PCDHGB6: variants seen among roughly 807,000 people sequenced by gnomAD.
The protein encoded by PCDHGB6 is protocadherin gamma-B6.
PCDHGB6 carries 51 observed loss-of-function variants against 59.1 expected under a neutral mutation model. That is an observed-to-expected ratio of 0.86 (90% confidence interval 0.69 to 1.09). The LOEUF (loss-of-function observed/expected upper bound fraction) is 1.09, where lower values mean the gene tolerates loss of function less well. Ranked by LOEUF, PCDHGB6 falls within the 50% of genes least tolerant of loss-of-function variation. PCDHGB6 has a pLI of 0.00. For synonymous variants in PCDHGB6, 466 were observed against 495.1 expected (o/e 0.94, Z 0.78); for missense variants, 1,148 against 1,205.1 (o/e 0.95, Z 0.70).
At chr5:141,467,627 G>A (rs2099147481) in intron 1 of PCDHGB6, among the ~76,000 whole-genome samples, 1 of 152,140 alleles carries the variant, frequency 6.6e-6, no homozygotes, top group South Asian at 2.1e-4. Context: ...ATTTGAGATA[G>A]CATCTTTATC....
chr5:141,427,434 A>G (rs2097026509), intron 1 of PCDHGB6: 1 of 473,650 alleles, frequency 2.1e-6, no homozygotes, highest in African/African-American at 2.0e-5. Context: ...TACATGCCTC[A>G]TAAACGAAAG....
intron 1 of PCDHGB6, among the ~76,000 whole-genome samples, chr5:141,467,743 C>T (rs1166073224): frequency 8.5e-5 from 13 of 152,052 alleles, no homozygotes; most frequent in Non-Finnish European, 1.8e-4. Flanking sequence ...CTCGCTGCAA[C>T]CTCCGCCTCA....
In PCDHGB6 at chr5:141,485,735, G is replaced by A; in HGVS notation, c.2419-9072G>A. 6.2e-7 allele frequency: 1 copy of A among 1,614,166 alleles called. No homozygotes were observed. The highest frequency in any genetic ancestry group is 8.5e-7 in the Non-Finnish European group (1 of 1,180,036). On this transcript the variant is annotated intron_variant, in intron 1 of 3. Coordinates refer to ENST00000520790, the MANE Select transcript of PCDHGB6 (RefSeq NM_018926.3). The surrounding 1 kb of genome is among the most constrained non-coding windows in gnomAD (Gnocchi z 5.7). Reference sequence around the variant, plus strand: ...ACTGGATGTGAAGAAGCGCAGCGACGGCAGCCTGGTCCCAGAGCTGCTCCT... The same window carrying A: ...ACTGGATGTGAAGAAGCGCAGCGACAGCAGCCTGGTCCCAGAGCTGCTCCT...
At chr5:141,426,896 C>A in intron 1 of PCDHGB6, 1 of 456,782 alleles carries the variant, frequency 2.2e-6, no homozygotes, top group Non-Finnish European at 4.4e-6. Context: ...AGCAACAGAG[C>A]TCTCATCTCC....
chr5:141,418,125 G>A (rs765373450), intron 1 of PCDHGB6: 2 of 1,614,086 alleles, frequency 1.2e-6, no homozygotes, highest in Middle Eastern at 1.7e-4. Flanking sequence ...GTGAAGGACC[G>A]AATAGACCGT....
chr5:141,478,199 C>T lies in PCDHGB6; in HGVS notation c.2419-16608C>T, dbSNP rs759439765. 3.7e-6 allele frequency: 6 copies of T among 1,614,056 alleles called. No homozygotes were observed. The Middle Eastern group carries it at 6.6e-4, about 178-fold the overall frequency. On this transcript the variant is annotated intron_variant, in intron 1 of 3. Coordinates refer to ENST00000520790, the MANE Select transcript of PCDHGB6 (RefSeq NM_018926.3). ...GAAAAAAAATCTCACCTTTTATCTA[C>T]TTCTTTCTCTAATCCTGGTTTCTGT...
intron 1 of PCDHGB6, among the ~76,000 whole-genome samples, chr5:141,442,726 C>A (rs1160438073): frequency 2.6e-5 from 4 of 152,060 alleles, no homozygotes; most frequent in Non-Finnish European, 5.9e-5. Context: ...GCATTTGGGG[C>A]CTGTAGGTAA....
intron 1 of PCDHGB6, among the ~76,000 whole-genome samples, chr5:141,450,561 A>G (rs1381887193): frequency 6.6e-6 from 1 of 151,856 alleles, no homozygotes; most frequent in Admixed American, 6.6e-5. Flanking sequence ...GTCTCGGCTC[A>G]CTGCAACTTC....
chr5:141,502,027 C>T (rs547850211), intron 2 of PCDHGB6, among the ~76,000 whole-genome samples: 6 of 152,274 alleles, frequency 3.9e-5, no homozygotes, highest in African/African-American at 9.6e-5. Flanking sequence ...CTGCAACCCC[C>T]GCCGCTTGCC....
Position 141,477,071 on chromosome 5 carries a change from G to T in PCDHGB6, c.2419-17736G>T. 6.2e-7 allele frequency: 1 copy of T among 1,614,226 alleles called. No individual in the cohort carries two copies. The highest frequency in any genetic ancestry group is 8.5e-7 in the Non-Finnish European group (1 of 1,180,030). ...GGACTTCGAGGACACCAAACTCCAT[G>T]AGATTTACATCCAGGCCAAAGACAA... is the stretch of plus-strand genomic sequence containing the variant. On this transcript the variant is annotated intron_variant, in intron 1 of 3. Coordinates refer to ENST00000520790, the MANE Select transcript of PCDHGB6 (RefSeq NM_018926.3). This position sits in a 1 kb window ranked among gnomAD's most constrained non-coding sequence, Gnocchi z 4.9.
In PCDHGB6 at chr5:141,431,414, G is replaced by A. The variant is rs1184197093; in HGVS notation, c.2418+20794G>A. On this transcript the variant is annotated intron_variant, in intron 1 of 3. Coordinates refer to ENST00000520790, the MANE Select transcript of PCDHGB6 (RefSeq NM_018926.3). The surrounding 1 kb of genome is among the most constrained non-coding windows in gnomAD (Gnocchi z 4.8). ...GGTCCTTACGGCCTCCGACGGGGGC[G>A]ACCCGGTGCGCACAGGCACCGCGCG... The A allele has an allele frequency of 6.2e-7, 1 of 1,613,658 alleles. No homozygotes were observed. The highest frequency in any genetic ancestry group is 1.7e-5 in the Admixed American group (1 of 60,026).
At chr5:141,458,899 T>A (rs1398965632) in intron 1 of PCDHGB6, among the ~76,000 whole-genome samples, 2 of 152,106 alleles carry the variant, frequency 1.3e-5, no homozygotes, top group African/African-American at 2.4e-5. Context: ...GCGCAGCTAA[T>A]TTTTTCTATT....
chr5:141,459,529 G>A (rs1201996126), intron 1 of PCDHGB6, among the ~76,000 whole-genome samples: 2 of 152,134 alleles, frequency 1.3e-5, no homozygotes, highest in African/African-American at 2.4e-5. Context: ...ATTTTTGTAG[G>A]CATATTTTTT....
At chr5:141,471,361 CT>C (rs2099255928) in intron 1 of PCDHGB6, 1 of 151,976 alleles carries the variant, frequency 6.6e-6, no homozygotes, top group Non-Finnish European at 1.5e-5. Flanking sequence ...TCCAAGCCCC[CT>C]ATTTTTATTT....
At position 141,477,681 on chromosome 5, in the gene PCDHGB6, T is replaced by C; in HGVS notation, c.2419-17126T>C. On this transcript the variant is annotated intron_variant, in intron 1 of 3. Coordinates refer to ENST00000520790, the MANE Select transcript of PCDHGB6 (RefSeq NM_018926.3). The surrounding 1 kb of genome is among the most constrained non-coding windows in gnomAD (Gnocchi z 4.9). The stretch of plus-strand genomic sequence containing the variant: ...CGTGACAATGGCATAGTGTCATCCT[T>C]AGTGCCCCTAGACTATGAGGATCGG... 6.2e-7 allele frequency: 1 copy of C among 1,614,180 alleles called. No individual in the cohort carries two copies. The highest frequency in any genetic ancestry group is 8.5e-7 in the Non-Finnish European group (1 of 1,180,046).
intron 1 of PCDHGB6, among the ~76,000 whole-genome samples, chr5:141,426,133 G>A (rs2096916691): frequency 6.6e-6 from 1 of 152,212 alleles, no homozygotes. Context: ...GCCAAGACTT[G>A]GGCTTTCTGC....
chr5:141,490,098 T>C lies in PCDHGB6; in HGVS notation c.2419-4709T>C, dbSNP rs774132407. On this transcript the variant is annotated intron_variant, in intron 1 of 3. Transcript: ENST00000520790. The surrounding 1 kb of genome is among the most constrained non-coding windows in gnomAD (Gnocchi z 5.4). ...ACTATTCTTTTGGAGACCACACATCTGAGGCAGTGCGGAACCTCTTTGGCC... is the reference window on the plus strand; with the variant it reads ...ACTATTCTTTTGGAGACCACACATCCGAGGCAGTGCGGAACCTCTTTGGCC... The C allele has an allele frequency of 6.2e-7, 1 of 1,614,260 alleles. No homozygotes were observed. The highest frequency in any genetic ancestry group is 8.5e-7 in the Non-Finnish European group (1 of 1,180,038).
At position 141,485,301 on chromosome 5, in the gene PCDHGB6, C is replaced by T; in HGVS notation, c.2419-9506C>T. 1 of 1,614,124 alleles carries T rather than the reference C, an allele frequency of 6.2e-7. No homozygotes were observed. The highest frequency in any genetic ancestry group is 1.1e-5 in the South Asian group (1 of 91,082). The stretch of plus-strand genomic sequence containing the variant: ...GTCCCAGAGGAGTCACAGGAAGGGA[C>T]TTTTGTAGGGAATGTCGCTCAAGAT... On this transcript the variant is annotated intron_variant, in intron 1 of 3. Coordinates refer to ENST00000520790, the MANE Select transcript of PCDHGB6 (RefSeq NM_018926.3). This position sits in a 1 kb window ranked among gnomAD's most constrained non-coding sequence, Gnocchi z 5.7.
In PCDHGB6 at chr5:141,422,884, G is replaced by C. The variant is rs202035589; in HGVS notation, c.2418+12264G>C. On this transcript the variant is annotated intron_variant, in intron 1 of 3. Transcript: ENST00000520790. ...CAGCAACGTGTCGCTGAGCCTGTTC[G>C]TGCTGGACCAGAACGACAATGCGCC... The C allele has an allele frequency of 1.7e-4, 278 of 1,614,240 alleles. No homozygotes were observed. The African/African-American group carries it at 2.0e-3, about 12-fold the overall frequency.
Sources: gnomAD v4.1 joint callset for allele counts (sites outside exome capture counted in the v4.1 genomes callset) on GRCh38, gnomAD v4.1.1 for gene constraint, Gnocchi (gnomAD v3.1) non-coding constraint, MANE v1.5 for transcripts, NCBI Gene and HGNC (gene_info 2026-07-23, HGNC 2026-07-21) for gene names.